SNTG1: variants seen among roughly 807,000 people sequenced by gnomAD.
The protein encoded by SNTG1 is syntrophin gamma 1, also known as gamma-1-syntrophin.
SNTG1 carries 39 observed loss-of-function variants against 74.7 expected under a neutral mutation model. The ratio of observed to expected loss-of-function variants is 0.52; its 90% CI spans 0.40 to 0.68. The LOEUF is 0.68. SNTG1 is among the 30% of genes least tolerant of loss of function. SNTG1 has a pLI of 0.00. For missense variants in SNTG1, 685 were observed against 609.5 expected (o/e 1.12, Z -1.30); for synonymous variants, 254 against 217.1 (o/e 1.17, Z -1.49).
intron 1 of SNTG1, among the ~76,000 whole-genome samples, chr8:49,919,611 C>T (rs207469139): frequency 6.6e-6 from 1 of 151,930 alleles, no homozygotes; most frequent in Non-Finnish European, 1.5e-5. Context: ...ATGTAATTAA[C>T]ATATCAAAGT....
At chr8:50,709,166 T>C (rs2095454300) in intron 17 of SNTG1, 188 bp downstream of exon 17, 9 of 569,312 alleles carry the variant, frequency 1.6e-5, no homozygotes, top group Non-Finnish European at 2.5e-5. Flanking sequence ...ATAAAACATA[T>C]GTAGTACCAC....
intron 1 of SNTG1, among the ~76,000 whole-genome samples, chr8:50,030,773 G>A (rs1240946737): frequency 1.3e-5 from 2 of 151,716 alleles, no homozygotes; most frequent in African/African-American, 4.8e-5. Flanking sequence ...TGAATGAAAT[G>A]TTTTCTTCCA....
chr8:50,226,484 A>T (rs919993628), intron 2 of SNTG1, among the ~76,000 whole-genome samples: 1 of 152,176 alleles, frequency 6.6e-6, no homozygotes, highest in African/African-American at 2.4e-5. Flanking sequence ...AAAGATCTGA[A>T]TAGGAAACAT....
chr8:50,753,259 C>G (rs1317907088), intron 18 of SNTG1, among the ~76,000 whole-genome samples: 1 of 151,970 alleles, frequency 6.6e-6, no homozygotes, highest in East Asian at 1.9e-4. Context: ...TACCACTGAT[C>G]AATCATTTAC....
chr8:50,322,656 G>T (rs1407637759), intron 2 of SNTG1, among the ~76,000 whole-genome samples: 1 of 151,684 alleles, frequency 6.6e-6, no homozygotes, highest in African/African-American at 2.4e-5. Context: ...CTCCTTAATG[G>T]CAGTAACTCT....
chr8:50,159,275 T>C (rs1203675216), intron 1 of SNTG1, among the ~76,000 whole-genome samples: 4 of 152,212 alleles, frequency 2.6e-5, no homozygotes, highest in Admixed American at 2.0e-4. Flanking sequence ...AGGTATGCTA[T>C]AAACCAGTCT....
At chr8:50,782,284 A>T (rs375477576) in intron 18 of SNTG1, among the ~76,000 whole-genome samples, 80 of 152,170 alleles carry the variant, frequency 5.3e-4, no homozygotes, top group Non-Finnish European at 9.8e-4. Context: ...CTCCTGGATA[A>T]TATCCTGCAG....
At chr8:50,532,336 C>T (rs188887833) in intron 10 of SNTG1, among the ~76,000 whole-genome samples, 2 of 152,290 alleles carry the variant, frequency 1.3e-5, no homozygotes, top group South Asian at 2.1e-4. Flanking sequence ...GGAAATACCC[C>T]TCTAGCTATT....
chr8:50,660,192 GAAAGA>G (rs1204570562), intron 15 of SNTG1, among the ~76,000 whole-genome samples: 3 of 140,548 alleles, frequency 2.1e-5, no homozygotes. Flanking sequence ...AGAAAAGAAA[GAAAGA>G]AAAGAAAAGA....
chr8:50,496,115 C>T (rs971511699), intron 8 of SNTG1, among the ~76,000 whole-genome samples: 1 of 152,120 alleles, frequency 6.6e-6, no homozygotes, highest in Non-Finnish European at 1.5e-5. Flanking sequence ...TCAAAATCAA[C>T]CCTCAAAGTC....
chr8:50,517,565 A>G (rs1450766505), intron 9 of SNTG1, among the ~76,000 whole-genome samples: 2 of 151,104 alleles, frequency 1.3e-5, no homozygotes, highest in East Asian at 1.9e-4. Flanking sequence ...GCAAAGACAC[A>G]CATAGGCTCA....
At chr8:50,557,957 G>A (rs1182644599) in intron 12 of SNTG1, among the ~76,000 whole-genome samples, 2 of 152,102 alleles carry the variant, frequency 1.3e-5, no homozygotes, top group African/African-American at 2.4e-5. Flanking sequence ...CATAAAATCG[G>A]GATATCGCCT....
At chr8:50,488,622 T>C (rs1052622553) in intron 8 of SNTG1, among the ~76,000 whole-genome samples, 2 of 152,070 alleles carry the variant, frequency 1.3e-5, no homozygotes, top group African/African-American at 4.8e-5. Context: ...CTAATGTCTA[T>C]CCTCCATCAT....
At chr8:50,289,760 T>C (rs548979134) in intron 2 of SNTG1, among the ~76,000 whole-genome samples, 26 of 152,172 alleles carry the variant, frequency 1.7e-4, no homozygotes, top group African/African-American at 6.3e-4. Flanking sequence ...TTGAAATGAA[T>C]ATTGAAAGAG....
intron 8 of SNTG1, among the ~76,000 whole-genome samples, chr8:50,482,743 T>A (rs1447429688): frequency 6.6e-6 from 1 of 152,142 alleles, no homozygotes; most frequent in Non-Finnish European, 1.5e-5. Flanking sequence ...TTATGAAACA[T>A]GAGGGGGCTA....
chr8:50,734,544 A>C (rs1308269492), intron 17 of SNTG1, among the ~76,000 whole-genome samples: 1 of 150,662 alleles, frequency 6.6e-6, no homozygotes, highest in African/African-American at 2.4e-5. Context: ...AAAAATTTTA[A>C]TTAGTATTTG....
intron 15 of SNTG1, among the ~76,000 whole-genome samples, chr8:50,688,914 G>C (rs1270641175): frequency 6.6e-6 from 1 of 152,006 alleles, no homozygotes; most frequent in Non-Finnish European, 1.5e-5. Flanking sequence ...CCATTTGTTT[G>C]TATCCTCTTG....
intron 1 of SNTG1, among the ~76,000 whole-genome samples, chr8:50,145,957 A>G (rs1440634408): frequency 7.3e-6 from 1 of 137,542 alleles, no homozygotes; most frequent in Admixed American, 7.1e-5. Context: ...CCTAGAACTT[A>G]AAGTATAATA....
chr8:50,275,060 T>A (rs1226136241), intron 2 of SNTG1, among the ~76,000 whole-genome samples: 1 of 152,172 alleles, frequency 6.6e-6, no homozygotes, highest in Non-Finnish European at 1.5e-5. Context: ...GGTTTTGGCA[T>A]TACGGTAATG....
Sources: allele counts gnomAD v4.1 joint callset (sites outside exome capture counted in the v4.1 genomes callset), GRCh38; gene constraint gnomAD v4.1.1; transcripts MANE v1.5; gene names NCBI Gene and HGNC (gene_info 2026-07-23, HGNC 2026-07-21).